The following ZNF469 variants were observed in gnomAD, a reference collection of about 807,000 sequenced individuals.
ZNF469 encodes zinc finger protein 469.
ZNF469 carries 1 observed loss-of-function variant against 1.0 expected under a neutral mutation model. The observed-to-expected ratio is 1.00, with a 90% confidence interval of 0.35 to 4.73. The LOEUF is 4.73. ZNF469 is among the 30% of genes most tolerant of loss of function. The probability of loss-of-function intolerance (pLI) is 0.16; values close to 1 mark genes in which losing one functional copy is unlikely to be tolerated. For synonymous variants in ZNF469, 2,703 were observed against 2,363.4 expected (o/e 1.14, Z -4.17); for missense variants, 6,100 against 5,356.3 (o/e 1.14, Z -4.33).
chr16:88,241,403 T>G, the ZNF469 span, among the ~76,000 whole-genome samples: 1 of 150,670 alleles, frequency 6.6e-6, no homozygotes, highest in Non-Finnish European at 1.5e-5. The surrounding 1 kb of genome is among the most constrained non-coding windows in gnomAD (Gnocchi z 4.8). Flanking sequence ...GTTTATTTGT[T>G]GGGGACCTGT....
At chr16:88,231,198 A>C in the ZNF469 span, among the ~76,000 whole-genome samples, 22 of 152,134 alleles carry the variant, frequency 1.4e-4, no homozygotes, top group African/African-American at 5.3e-4. This position sits in a 1 kb window ranked among gnomAD's most constrained non-coding sequence, Gnocchi z 4.5. Context: ...GGAAGGCAAC[A>C]CTGTTGCCCA....
At chr16:88,234,938 A>G in the ZNF469 span, 3 of 148,584 alleles carry the variant, frequency 2.0e-5, no homozygotes, top group East Asian at 6.2e-4. Flanking sequence ...AAGGGTGTGA[A>G]GGGATGTGCG....
chr16:88,245,914 C>T, the ZNF469 span, among the ~76,000 whole-genome samples: 3 of 152,292 alleles, frequency 2.0e-5, no homozygotes, highest in Non-Finnish European at 4.4e-5. Flanking sequence ...GGGGCTGGAG[C>T]AGTACATAGC....
At chr16:88,227,048 C>T in the ZNF469 span, among the ~76,000 whole-genome samples, 2 of 146,330 alleles carry the variant, frequency 1.4e-5, no homozygotes, top group Non-Finnish European at 3.0e-5. Flanking sequence ...GTGCCTCCTC[C>T]GCGCCGGGGC....
the ZNF469 span, among the ~76,000 whole-genome samples, chr16:88,298,239 T>G: frequency 6.6e-6 from 1 of 152,206 alleles, no homozygotes; most frequent in Admixed American, 6.5e-5. Flanking sequence ...CTCTGGGCTG[T>G]GCTGTCCACT....
the ZNF469 span, among the ~76,000 whole-genome samples, chr16:88,342,623 G>A: frequency 1.3e-5 from 2 of 152,218 alleles, no homozygotes; most frequent in African/African-American, 4.8e-5. Flanking sequence ...CCGTCATGCA[G>A]AGGCGGCTCT....
chr16:88,398,144 T>C (rs1447648257), intron 1 of ZNF469, among the ~76,000 whole-genome samples: 2 of 152,258 alleles, frequency 1.3e-5, no homozygotes, highest in African/African-American at 4.8e-5. Context: ...CCTGCTGTGG[T>C]GTCAGAAGTC....
chr16:88,118,174 C>G, the ZNF469 span, among the ~76,000 whole-genome samples: 3 of 152,194 alleles, frequency 2.0e-5, no homozygotes, highest in Non-Finnish European at 1.5e-5. Context: ...AACTCCTGAC[C>G]TCAGGTGATC....
the ZNF469 span, among the ~76,000 whole-genome samples, chr16:88,187,546 C>T: frequency 6.6e-6 from 1 of 152,194 alleles, no homozygotes; most frequent in Non-Finnish European, 1.5e-5. Flanking sequence ...GGGACCCCAA[C>T]AACTGCTCCC....
At chr16:88,297,156 C>T in the ZNF469 span, among the ~76,000 whole-genome samples, 4 of 152,216 alleles carry the variant, frequency 2.6e-5, no homozygotes, top group Non-Finnish European at 1.5e-5. Context: ...ACCTGCATTC[C>T]GTCCAGCCCA....
At chr16:88,299,526 A>C in the ZNF469 span, among the ~76,000 whole-genome samples, 2 of 152,190 alleles carry the variant, frequency 1.3e-5, no homozygotes, top group Non-Finnish European at 2.9e-5. Context: ...TGATCTAACA[A>C]GGGCTCATCT....
rs568046708 is a variant in ZNF469 at position 88,430,811 on chromosome 16, G to C, written c.3341G>C (p.Arg1114Pro). ...PPPRGPGFRG[R>P]RGRGEKRKEV... is the part of the protein sequence containing the mutation. ...CCGCGGGGCCCCGGCTTCAGAGGCC[G>C]GCGGGGCCGAGGCGAGAAGAGGAAG... The change falls in exon 3 of 3, where the codon CGG becomes CCG. Residue 1114 changes from arginine to proline, a missense_variant. By Grantham distance (103) the Arg-to-Pro change is moderately radical. Transcript: ENST00000565624. 9.5e-5 allele frequency: 145 copies of C among 1,531,302 alleles called. No individual in the cohort carries two copies. Among genetic ancestry groups the C allele is most frequent in the East Asian group, 3.5e-4 (14 of 40,484 alleles). The allele number at this position is 1,531,302 out of a possible 1,614,324, so 94.9% of individuals were successfully genotyped here.
At chr16:88,249,928 C>T in the ZNF469 span, among the ~76,000 whole-genome samples, 2 of 152,244 alleles carry the variant, frequency 1.3e-5, no homozygotes, top group African/African-American at 2.4e-5. Context: ...CCAAGTGCTC[C>T]TCCCTGACCT....
At position 88,430,609 on chromosome 16, in the gene ZNF469, G is replaced by A. The variant is rs1039298862; in HGVS notation, c.3139G>A (p.Gly1047Ser). The A allele has an allele frequency of 1.2e-5, 18 of 1,501,474 alleles. No homozygotes were observed. Among genetic ancestry groups the A allele is most frequent in the Middle Eastern group, 3.6e-4 (2 of 5,540 alleles). 93.0% of individuals were successfully genotyped at this position (1,501,474 alleles called of 1,614,324 possible). ...GAGGAAGGCTCGGGGCGGCGCCTGGGGCAAGGAGCTCATTCTGAAGATCGT... is the reference window on the plus strand; with the variant it reads ...GAGGAAGGCTCGGGGCGGCGCCTGGAGCAAGGAGCTCATTCTGAAGATCGT... ...RKRKARGGAW[G>S]KELILKIVQQ... The change falls in exon 3 of 3, where the codon GGC becomes AGC. Residue 1047 changes from glycine (G) to serine (S), a missense_variant. By Grantham distance (56) the Gly-to-Ser change is moderately conservative. Transcript: ENST00000565624.
the ZNF469 span, among the ~76,000 whole-genome samples, chr16:88,200,539 C>G: frequency 1.3e-5 from 2 of 152,250 alleles, no homozygotes; most frequent in East Asian, 3.9e-4. Context: ...GGAGGCCGGT[C>G]TGCAACCAGA....
the ZNF469 span, among the ~76,000 whole-genome samples, chr16:88,188,471 C>T: frequency 1.3e-5 from 2 of 152,188 alleles, no homozygotes; most frequent in East Asian, 3.9e-4. Flanking sequence ...TGACATCTTA[C>T]AGCATGCAGG....
chr16:88,341,439 T>A, the ZNF469 span, among the ~76,000 whole-genome samples: 1 of 152,152 alleles, frequency 6.6e-6, no homozygotes, highest in African/African-American at 2.4e-5. Flanking sequence ...TGTTGTGATC[T>A]CTCACCTGGG....
chr16:88,282,440 G>A, the ZNF469 span, among the ~76,000 whole-genome samples: 2 of 152,146 alleles, frequency 1.3e-5, no homozygotes, highest in Non-Finnish European at 2.9e-5. Flanking sequence ...AAACAATCAT[G>A]CCCGCAGTGC....
chr16:88,247,452 ATGAG>A, the ZNF469 span, among the ~76,000 whole-genome samples: 4 of 149,354 alleles, frequency 2.7e-5, no homozygotes, highest in South Asian at 4.2e-4. Flanking sequence ...AAGTGAGTGA[ATGAG>A]TGAATGAATG....
Sources: allele counts gnomAD v4.1 joint callset (sites outside exome capture counted in the v4.1 genomes callset), GRCh38; gene constraint gnomAD v4.1.1; non-coding constraint Gnocchi (gnomAD v3.1); transcripts MANE v1.5; gene names NCBI Gene and HGNC (gene_info 2026-07-23, HGNC 2026-07-21).